Variants in RIMBP2 observed in about 807,000 individuals in gnomAD.
RIMBP2 encodes the protein RIMS binding protein 2.
RIMBP2 carries 48 observed loss-of-function variants against 118.6 expected under a neutral mutation model. The ratio of observed to expected loss-of-function variants is 0.40; its 90% CI spans 0.32 to 0.51. The LOEUF (loss-of-function observed/expected upper bound fraction) is 0.51. RIMBP2 is among the 20% of genes least tolerant of loss of function. The probability of loss-of-function intolerance (pLI) is 0.41; values close to 1 mark genes in which losing one functional copy is unlikely to be tolerated. For synonymous variants in RIMBP2, 762 were observed against 742.9 expected, an observed-to-expected ratio of 1.03 and a Z score of -0.42; for missense variants, 1,551 against 1,768.3, an observed-to-expected ratio of 0.88 and a Z score of 2.20.
intron 10 of RIMBP2, among the ~76,000 whole-genome samples, chr12:130,443,295 T>C (rs900298837): frequency 2.7e-5 from 4 of 150,146 alleles, no homozygotes; most frequent in African/African-American, 7.4e-5. Flanking sequence ...AGAGTGGACA[T>C]AGTGGGGACC....
chr12:130,654,511 C>T (rs1033986611), intron 1 of RIMBP2, among the ~76,000 whole-genome samples: 16 of 152,196 alleles, frequency 1.1e-4, no homozygotes, highest in African/African-American at 2.7e-4. Context: ...AACCATTTAA[C>T]CACTCTCCAA....
intron 2 of RIMBP2, among the ~76,000 whole-genome samples, chr12:130,536,966 A>T (rs1258635712): frequency 6.6e-6 from 1 of 152,146 alleles, no homozygotes; most frequent in Non-Finnish European, 1.5e-5. Context: ...ACACAAGACA[A>T]CCCCAAATTG....
chr12:130,456,143 G>A (rs113257224), intron 7 of RIMBP2, among the ~76,000 whole-genome samples: 8 of 152,328 alleles, frequency 5.3e-5, no homozygotes, highest in African/African-American at 1.7e-4. Context: ...TTGTGGAGTC[G>A]TTGCCAGTGC....
At chr12:130,449,324 G>A (rs1396822591) in intron 9 of RIMBP2, among the ~76,000 whole-genome samples, 1 of 152,266 alleles carries the variant, frequency 6.6e-6, no homozygotes, top group Non-Finnish European at 1.5e-5. Context: ...CAGTCCTGGG[G>A]GACCTCTCAT....
In RIMBP2 at chr12:130,646,453, C is replaced by CACCACCT. The variant is rs2062976437; in HGVS notation, c.-351-17998_-351-17997insAGGTGGT. ...TCTCCACCTCCCTTGCCACCTCCCTCGCCACCTCCCTCGCTACCTCCCTCA... is the reference window on the plus strand; with the variant it reads ...TCTCCACCTCCCTTGCCACCTCCCTCACCACCTGCCACCTCCCTCGCTACCTCCCTCA... On this transcript the variant is annotated intron_variant, in intron 1 of 22. Transcript: ENST00000690449. 2.0e-5 allele frequency among the ~76,000 whole-genome samples: 3 copies of CACCACCT among 149,378 alleles called. 1 individual carries two copies. The highest frequency in any genetic ancestry group is 3.0e-5 in the Non-Finnish European group (2 of 67,046).
chr12:130,652,578 C>G (rs2063272916), intron 1 of RIMBP2, among the ~76,000 whole-genome samples: 1 of 152,078 alleles, frequency 6.6e-6, no homozygotes, highest in Non-Finnish European at 1.5e-5. Context: ...TGGGCCGTAT[C>G]TGCATTCCCT....
rs2076348771 is a variant in RIMBP2 at position 130,420,491 on chromosome 12, G to A, written c.3238+1962C>T. ...CGCATGCAGCCTTTGGAATTCTACG[G>A]CTTCAGAAAAATCCAACCACATTCA... On this transcript the variant is annotated intron_variant, in intron 17 of 22. Transcript: ENST00000690449. The surrounding 1 kb of genome is among the most constrained non-coding windows in gnomAD (Gnocchi z 4.3). Among the ~76,000 whole-genome samples the A allele has an allele frequency of 6.6e-6, 1 of 152,082 alleles. No homozygotes were observed. The highest frequency in any genetic ancestry group is 6.5e-5 in the Admixed American group (1 of 15,272).
intron 6 of RIMBP2, among the ~76,000 whole-genome samples, chr12:130,461,612 C>A (rs894568384): frequency 6.6e-6 from 1 of 152,102 alleles, no homozygotes; most frequent in Non-Finnish European, 1.5e-5. Flanking sequence ...CGGGGCCTGG[C>A]GGGAGGTGTC....
intron 5 of RIMBP2, among the ~76,000 whole-genome samples, chr12:130,474,939 C>T (rs1043842863): frequency 2.0e-5 from 3 of 152,040 alleles, no homozygotes; most frequent in Non-Finnish European, 2.9e-5. Flanking sequence ...GCTCCGTAAA[C>T]GTCTGTTGAG....
intron 22 of RIMBP2, chr12:130,398,949 G>GA: frequency 2.9e-6 from 1 of 347,250 alleles, no homozygotes; most frequent in East Asian, 4.4e-5. Flanking sequence ...TTACAACTGA[G>GA]ACCAAGTAAT....
chr12:130,445,198 T>C lies in RIMBP2; in HGVS notation c.653A>G (p.Tyr218Cys), dbSNP rs552324488. Residue 218 changes from tyrosine (Y) to cysteine (C), a missense_variant, in exon 10 of 23, where the codon TAC (tyrosine) becomes TGC (cysteine). Transcript: ENST00000690449. The part of the protein sequence containing the change: ...ELPLTAGKYL[Y>C]VYGDMDEDGF... ...ATCCTCATCCATGTCTCCATAGACG[T>C]AGAGGTATTTTCCCGCCGTGAGGGG... 6 of 1,613,052 alleles carry C rather than the reference T, an allele frequency of 3.7e-6. No individual in the cohort carries two copies. In the African/African-American group the frequency reaches 5.3e-5, roughly 14 times the overall value.
chr12:130,503,541 CTCT>C (rs1419104125), intron 4 of RIMBP2, among the ~76,000 whole-genome samples: 1 of 152,220 alleles, frequency 6.6e-6, no homozygotes, highest in Non-Finnish European at 1.5e-5. Context: ...TGCCATTAGG[CTCT>C]TCTTCTCCAA....
At chr12:130,698,386 T>A in intron 1 of RIMBP2, among the ~76,000 whole-genome samples, 1 of 152,174 alleles carries the variant, frequency 6.6e-6, no homozygotes, top group East Asian at 1.9e-4. Flanking sequence ...CTCCTTCACA[T>A]GACCTGTCAG....
rs958170144 is a variant in RIMBP2 at position 130,620,097 on chromosome 12, G to A, written c.-217+8225C>T. 6.6e-6 allele frequency among the ~76,000 whole-genome samples: 1 copy of A among 152,202 alleles called. No homozygotes were observed. Among genetic ancestry groups the A allele is most frequent in the African/African-American group, 2.4e-5 (1 of 41,456 alleles). On this transcript the variant is annotated intron_variant, in intron 2 of 22. Coordinates refer to ENST00000690449, the MANE Select transcript of RIMBP2 (RefSeq NM_001393629.1). The surrounding 1 kb of genome is among the most constrained non-coding windows in gnomAD (Gnocchi z 5.3). Reference sequence around the variant, plus strand: ...GGTTGAAAAGGGCCTCCGAGGCAGTGGCTCACTCTTCTGGCCAGAGCTTCC... The same window carrying A: ...GGTTGAAAAGGGCCTCCGAGGCAGTAGCTCACTCTTCTGGCCAGAGCTTCC...
At chr12:130,561,797 A>C (rs1032242899) in intron 2 of RIMBP2, among the ~76,000 whole-genome samples, 1 of 152,156 alleles carries the variant, frequency 6.6e-6, no homozygotes, top group Non-Finnish European at 1.5e-5. Context: ...ACTCTCCTTT[A>C]ATTTTAACCC....
chr12:130,493,795 A>G (rs2048869674), intron 4 of RIMBP2, among the ~76,000 whole-genome samples: 1 of 152,224 alleles, frequency 6.6e-6, no homozygotes, highest in Non-Finnish European at 1.5e-5. Context: ...ACCCCATCAC[A>G]GTGTTCTACA....
intron 2 of RIMBP2, among the ~76,000 whole-genome samples, chr12:130,571,877 C>T (rs1390376064): frequency 1.3e-5 from 2 of 152,176 alleles, no homozygotes; most frequent in South Asian, 2.1e-4. Flanking sequence ...GAGCCCACCT[C>T]GGGGCTGTAC....
chr12:130,431,342 A>G lies in RIMBP2; in HGVS notation c.2254-3005T>C. The G allele has an allele frequency of 3.2e-6, 1 of 312,942 alleles. No homozygotes were observed. 19.4% of individuals were successfully genotyped at this position (312,942 alleles called of 1,614,324 possible). On this transcript the variant is annotated intron_variant, in intron 14 of 22. Coordinates refer to ENST00000690449, the MANE Select transcript of RIMBP2 (RefSeq NM_001393629.1). This position sits in a 1 kb window ranked among gnomAD's most constrained non-coding sequence, Gnocchi z 4.0. ...CGGGGCGGGCAGCATGGGGAAGCGGATGGTCAGGGAACACTTCCCGGGTTG... is the reference window on the plus strand; with the variant it reads ...CGGGGCGGGCAGCATGGGGAAGCGGGTGGTCAGGGAACACTTCCCGGGTTG...
chr12:130,411,794 G>A (rs962215069), intron 19 of RIMBP2, among the ~76,000 whole-genome samples: 1 of 152,156 alleles, frequency 6.6e-6, no homozygotes, highest in African/African-American at 2.4e-5. Context: ...TGTGGATTCT[G>A]TCTTGAAACA....
Sources: allele counts gnomAD v4.1 joint callset (sites outside exome capture counted in the v4.1 genomes callset), GRCh38; gene constraint gnomAD v4.1.1; non-coding constraint Gnocchi (gnomAD v3.1); transcripts MANE v1.5; gene names NCBI Gene and HGNC (gene_info 2026-07-23, HGNC 2026-07-21).